GHR: variants seen among roughly 807,000 people sequenced by gnomAD.
The protein encoded by GHR is growth hormone receptor.
GHR carries 35 observed loss-of-function variants against 67.1 expected under a neutral mutation model. The observed-to-expected ratio is 0.52, with a 90% confidence interval of 0.40 to 0.69. The LOEUF is 0.69. Ranked by LOEUF, GHR falls within the 30% of genes least tolerant of loss-of-function variation. The pLI, the probability that GHR is intolerant of heterozygous loss-of-function variation, is 0.00. For missense variants in GHR, 792 were observed against 764.6 expected (o/e 1.04, Z -0.42); for synonymous variants, 272 against 269.1 (o/e 1.01, Z -0.10).
At chr5:42,556,005 G>A (rs1749287452) in intron 1 of GHR, among the ~76,000 whole-genome samples, 1 of 152,116 alleles carries the variant, frequency 6.6e-6, no homozygotes, top group African/African-American at 2.4e-5. Context: ...CAGGTTACGG[G>A]ATTGCTGACT....
intron 2 of GHR, among the ~76,000 whole-genome samples, chr5:42,614,559 A>AT (rs553365880): frequency 0.017 from 1,134 of 65,360 alleles, 109 homozygotes; most frequent in African/African-American, 0.055. Context: ...CATAGAGGAC[A>AT]TTTTTTTTTT....
At chr5:42,578,600 A>G (rs921838618) in intron 2 of GHR, among the ~76,000 whole-genome samples, 7 of 152,198 alleles carry the variant, frequency 4.6e-5, no homozygotes, top group African/African-American at 1.7e-4. Flanking sequence ...AGAGAAAACC[A>G]ACTGGACCAT....
At chr5:42,682,529 A>T (rs1313129853) in intron 3 of GHR, among the ~76,000 whole-genome samples, 2 of 152,180 alleles carry the variant, frequency 1.3e-5, no homozygotes, top group Admixed American at 1.3e-4. Context: ...AAGCCTTAAG[A>T]TGACACTAAG....
intron 1 of GHR, among the ~76,000 whole-genome samples, chr5:42,506,307 T>C (rs1297813384): frequency 6.6e-6 from 1 of 152,238 alleles, no homozygotes; most frequent in African/African-American, 2.4e-5. Flanking sequence ...TATGATTTAA[T>C]GAGGATGTCT....
intron 1 of GHR, among the ~76,000 whole-genome samples, chr5:42,539,535 C>G (rs1229922848): frequency 6.6e-6 from 1 of 152,216 alleles, no homozygotes; most frequent in East Asian, 1.9e-4. Context: ...CTATGGGTCT[C>G]TCAGCCATGG....
intron 1 of GHR, among the ~76,000 whole-genome samples, chr5:42,437,020 T>C (rs1743355880): frequency 6.6e-6 from 1 of 152,258 alleles, no homozygotes; most frequent in African/African-American, 2.4e-5. Flanking sequence ...TACAAGTTGT[T>C]GGAAGCCTAG....
intron 2 of GHR, among the ~76,000 whole-genome samples, chr5:42,616,886 A>T (rs1753181815): frequency 6.6e-6 from 1 of 152,074 alleles, no homozygotes; most frequent in Non-Finnish European, 1.5e-5. Flanking sequence ...AATGCCTCTG[A>T]GAAGTTAAGT....
chr5:42,525,015 C>T (rs1301392097), intron 1 of GHR, among the ~76,000 whole-genome samples: 1 of 152,218 alleles, frequency 6.6e-6, no homozygotes, highest in Non-Finnish European at 1.5e-5. Context: ...CATGGAGAAC[C>T]TGTGCTAGGG....
chr5:42,481,508 G>A (rs1052732597), intron 1 of GHR, among the ~76,000 whole-genome samples: 23 of 151,932 alleles, frequency 1.5e-4, no homozygotes, highest in South Asian at 2.1e-4. Flanking sequence ...CATTCTCCCC[G>A]TCACTTTCAG....
intron 1 of GHR, among the ~76,000 whole-genome samples, chr5:42,545,095 C>A (rs890977777): frequency 1.3e-5 from 2 of 152,108 alleles, no homozygotes; most frequent in African/African-American, 4.8e-5. Context: ...TTTATGGATT[C>A]TTTTGTGATG....
intron 1 of GHR, among the ~76,000 whole-genome samples, chr5:42,440,831 G>T (rs11746671): frequency 6.6e-6 from 1 of 152,182 alleles, no homozygotes; most frequent in Non-Finnish European, 1.5e-5. Context: ...TGCTGACTTA[G>T]ATAGTACTGG....
chr5:42,548,583 G>GT (rs145515691), intron 1 of GHR: 12,697 of 704,606 alleles, frequency 0.018, no homozygotes, highest in Non-Finnish European at 0.02. Flanking sequence ...GATAGTCAGG[G>GT]TTTTTTTTTT....
In GHR at chr5:42,584,482, T is replaced by C. The variant is rs1751366290; in HGVS notation, c.70+18538T>C. 2.0e-5 allele frequency among the ~76,000 whole-genome samples: 3 copies of C among 152,132 alleles called. No individual in the cohort carries two copies. In the South Asian group the frequency reaches 6.2e-4, roughly 32 times the overall value. On this transcript the variant is annotated intron_variant, in intron 2 of 9. Transcript: ENST00000230882. ...TGAAGAAACTAAATAGTTATCTATG[T>C]TAACCAATAGGGCAGAACTCGTACT...
At chr5:42,503,595 G>T (rs1023772682) in intron 1 of GHR, among the ~76,000 whole-genome samples, 3 of 152,176 alleles carry the variant, frequency 2.0e-5, no homozygotes, top group African/African-American at 7.2e-5. Context: ...AGGTGGTAGA[G>T]ATTCCACAAT....
At chr5:42,493,318 C>T (rs1457909131) in intron 1 of GHR, among the ~76,000 whole-genome samples, 1 of 152,062 alleles carries the variant, frequency 6.6e-6, no homozygotes, top group Non-Finnish European at 1.5e-5. Context: ...AATAACTGCT[C>T]TTTGAAAAGT....
At chr5:42,699,798 T>A in intron 5 of GHR, 26 bp from the exon 6 acceptor site, 1 of 1,505,312 alleles carries the variant, frequency 6.6e-7, no homozygotes, top group Non-Finnish European at 9.3e-7. Context: ...TCTGTCTGTG[T>A]ACTAATGCTC....
At chr5:42,651,556 A>G (rs1410700384) in intron 3 of GHR, among the ~76,000 whole-genome samples, 2 of 152,174 alleles carry the variant, frequency 1.3e-5, no homozygotes, top group Admixed American at 1.3e-4. Flanking sequence ...CATACTTCTT[A>G]AAGTGACACA....
In GHR at chr5:42,718,627, C is replaced by A. The variant is rs541190074; in HGVS notation, c.1120C>A (p.His374Asn). ...TCTAAGCAGTGACCATGAGAAATCA[C>A]ATAGTAACCTAGGGGTGAAGGATGG... ...RLLSSDHEKS[H>N]SNLGVKDGDS... The change falls in exon 10 of 10, where the codon CAT (histidine) becomes AAT (asparagine). Residue 374 changes from histidine to asparagine, a missense_variant. Physicochemically the swap from His to Asn is moderately conservative, Grantham distance 68. Coordinates refer to ENST00000230882, the MANE Select transcript of GHR (RefSeq NM_000163.5). 6.2e-6 allele frequency: 10 copies of A among 1,614,028 alleles called. 1 individual carries two copies. The South Asian group carries it at 9.9e-5, about 16-fold the overall frequency.
In GHR at chr5:42,484,632, T is replaced by C. The variant is rs1022442355; in HGVS notation, c.-12+60677T>C. On this transcript the variant is annotated intron_variant, in intron 1 of 9. Coordinates refer to ENST00000230882, the MANE Select transcript of GHR (RefSeq NM_000163.5). The stretch of plus-strand genomic sequence containing the variant: ...TTTTTAAATTCAAAAGGACAGCTGC[T>C]TTCTGCTCACTCAGGTCCACTGAGG... 4.6e-5 allele frequency among the ~76,000 whole-genome samples: 7 copies of C among 152,354 alleles called. No individual in the cohort carries two copies. In the South Asian group the frequency reaches 1.0e-3, roughly 23 times the overall value.
Sources: gnomAD v4.1 joint callset for allele counts (sites outside exome capture counted in the v4.1 genomes callset) on GRCh38, gnomAD v4.1.1 for gene constraint, MANE v1.5 for transcripts, NCBI Gene and HGNC (gene_info 2026-07-23, HGNC 2026-07-21) for gene names.